Variants in BAZ2B observed in about 807,000 individuals in gnomAD.
BAZ2B encodes bromodomain adjacent to zinc finger domain 2B.
In BAZ2B, 91 loss-of-function variants were observed where a neutral mutation model predicts 246.0. That is an observed-to-expected ratio of 0.37 (90% CI 0.31 to 0.44). The LOEUF (loss-of-function observed/expected upper bound fraction) is 0.44, where lower values mean the gene tolerates loss of function less well. Among genes scored for constraint, BAZ2B ranks in the 20% least tolerant of loss-of-function variants. BAZ2B has a pLI of 1.00. For synonymous variants in BAZ2B, 855 were observed against 860.0 expected, an observed-to-expected ratio of 0.99 and a Z score of 0.10; for missense variants, 2,332 against 2,533.7, an observed-to-expected ratio of 0.92 and a Z score of 1.71.
At chr2:159,402,622 CTT>C (rs2065262991) in intron 16 of BAZ2B, among the ~76,000 whole-genome samples, 1 of 152,134 alleles carries the variant, frequency 6.6e-6, no homozygotes, top group Non-Finnish European at 1.5e-5. Context: ...CTTTTCTGCT[CTT>C]GTCAATTATA....
At chr2:159,682,916 C>T in the BAZ2B span, among the ~76,000 whole-genome samples, 1 of 148,628 alleles carries the variant, frequency 6.7e-6, no homozygotes, top group Non-Finnish European at 1.5e-5. Flanking sequence ...CCCTCCCCCC[C>T]CCCACACACA....
chr2:159,373,507 A>G (rs1001159687), intron 26 of BAZ2B, among the ~76,000 whole-genome samples: 1 of 152,212 alleles, frequency 6.6e-6, no homozygotes, highest in Non-Finnish European at 1.5e-5. Flanking sequence ...GTTCAATTCA[A>G]TTCTATTGCT....
At chr2:159,686,770 T>C in the BAZ2B span, among the ~76,000 whole-genome samples, 54 of 152,228 alleles carry the variant, frequency 3.5e-4, 1 homozygote, top group South Asian at 1.5e-3. Flanking sequence ...AGGCCAGGCG[T>C]GGTGGCTCAC....
In BAZ2B at chr2:159,533,053, A is replaced by G. The variant is rs939059329; in HGVS notation, c.-3+22770T>C. On this transcript the variant is annotated intron_variant, in intron 2 of 36. Coordinates refer to ENST00000392783, the MANE Select transcript of BAZ2B (RefSeq NM_013450.4). ...ACTGGAGACAGAGAAACTAGAAAGT[A>G]AATTAATATGGCAATCTAAGCATGA... Among the ~76,000 whole-genome samples the G allele has an allele frequency of 2.0e-5, 3 of 152,206 alleles. No homozygotes were observed. In the South Asian group the frequency reaches 6.2e-4, roughly 31 times the overall value.
chr2:159,420,418 A>G (rs1379309266), intron 13 of BAZ2B, among the ~76,000 whole-genome samples: 3 of 152,196 alleles, frequency 2.0e-5, no homozygotes, highest in African/African-American at 7.2e-5. Context: ...CATCTCGAAG[A>G]AAAAAAGCAA....
intron 1 of BAZ2B, among the ~76,000 whole-genome samples, chr2:159,557,606 C>T (rs2089344364): frequency 6.6e-6 from 1 of 152,146 alleles, no homozygotes; most frequent in East Asian, 1.9e-4. Flanking sequence ...AATCGGGTCT[C>T]ATAACAAACG....
chr2:159,520,215 G>C (rs1023610168), intron 2 of BAZ2B, among the ~76,000 whole-genome samples: 1 of 152,104 alleles, frequency 6.6e-6, no homozygotes, highest in Non-Finnish European at 1.5e-5. Flanking sequence ...TTTCATGTCA[G>C]GTAAATAGGT....
chr2:159,630,263 C>T, the BAZ2B span, among the ~76,000 whole-genome samples: 1 of 152,084 alleles, frequency 6.6e-6, no homozygotes, highest in African/African-American at 2.4e-5. Flanking sequence ...TTCAAGGCTG[C>T]AGTGGGCTAT....
intron 4 of BAZ2B, among the ~76,000 whole-genome samples, chr2:159,453,195 T>C (rs2075311341): frequency 6.6e-6 from 1 of 152,166 alleles, no homozygotes; most frequent in African/African-American, 2.4e-5. Context: ...GACCTTGAAA[T>C]AGGAGTGTAA....
At chr2:159,710,369 C>T in the BAZ2B span, among the ~76,000 whole-genome samples, 17 of 152,142 alleles carry the variant, frequency 1.1e-4, no homozygotes, top group East Asian at 1.2e-3. Context: ...CCACCACGCC[C>T]GGCTAATTTT....
At position 159,364,955 on chromosome 2, in the gene BAZ2B, C is replaced by T. The variant is rs1198035318; in HGVS notation, c.4213+8090G>A. On this transcript the variant is annotated intron_variant, in intron 27 of 36. Transcript: ENST00000392783. ...CACTAGTACTGCAAGTGATCTATGA[C>T]TGGTCTCAGGCAGAGACTCTGATGG... 1.3e-5 allele frequency among the ~76,000 whole-genome samples: 2 copies of T among 152,156 alleles called. 1 individual carries two copies.
chr2:159,469,801 TAAAC>T (rs925476592), intron 3 of BAZ2B, among the ~76,000 whole-genome samples: 1 of 151,988 alleles, frequency 6.6e-6, no homozygotes, highest in Non-Finnish European at 1.5e-5. Flanking sequence ...AACAACAACT[TAAAC>T]AAACAAACAA....
intron 2 of BAZ2B, among the ~76,000 whole-genome samples, chr2:159,495,522 T>C (rs1440975884): frequency 7.5e-6 from 1 of 133,908 alleles, no homozygotes; most frequent in African/African-American, 2.8e-5. Flanking sequence ...AAAAATTTAA[T>C]ATGAAAAAAG....
intron 1 of BAZ2B, among the ~76,000 whole-genome samples, chr2:159,564,229 T>C (rs1414517289): frequency 6.6e-6 from 1 of 151,948 alleles, no homozygotes; most frequent in African/African-American, 2.4e-5. Context: ...GAAGGCCTGG[T>C]GTTTTCAAAA....
At chr2:159,473,718 A>T (rs977620513) in intron 3 of BAZ2B, among the ~76,000 whole-genome samples, 13 of 152,202 alleles carry the variant, frequency 8.5e-5, no homozygotes, top group Non-Finnish European at 1.5e-5. Context: ...ATTTCCCTCT[A>T]AACACTGCTT....
the BAZ2B span, among the ~76,000 whole-genome samples, chr2:159,633,396 C>G: frequency 6.6e-6 from 1 of 152,158 alleles, no homozygotes; most frequent in South Asian, 2.1e-4. Context: ...TGGGTAGAGA[C>G]AGGCGAAGGA....
At chr2:159,539,133 A>G (rs1434819756) in intron 2 of BAZ2B, among the ~76,000 whole-genome samples, 2 of 152,224 alleles carry the variant, frequency 1.3e-5, no homozygotes, top group African/African-American at 4.8e-5. Flanking sequence ...TGCTTTCTAT[A>G]GTCAAAAAAC....
chr2:159,697,460 C>A, the BAZ2B span, among the ~76,000 whole-genome samples: 4 of 152,226 alleles, frequency 2.6e-5, no homozygotes, highest in East Asian at 5.8e-4. Flanking sequence ...TCACTAAAAT[C>A]CAAAATAATG....
At position 159,439,111 on chromosome 2, in the gene BAZ2B, A is replaced by T; in HGVS notation, c.798T>A (p.Asp266Glu). The stretch of plus-strand genomic sequence containing the variant: ...CTTCTTCTTCATCTTCTTCTAGATC[A>T]TCTGAATCACTGCTACTAATGCCTT... ...SSEGISSSDS[D>E]DLEEDEEEED... The change falls in exon 7 of 37, where the codon GAT (aspartate) becomes GAA (glutamate). Residue 266 changes from aspartate to glutamate, a missense_variant. This residue lies in a region of BAZ2B where 161 missense variants were observed against 225.8 expected (regional missense o/e 0.71). Coordinates refer to ENST00000392783, the MANE Select transcript of BAZ2B (RefSeq NM_013450.4). The T allele has an allele frequency of 6.2e-7, 1 of 1,613,944 alleles. No homozygotes were observed. The highest frequency in any genetic ancestry group is 1.7e-4 in the Middle Eastern group (1 of 6,058).
Sources: allele counts gnomAD v4.1 joint callset (sites outside exome capture counted in the v4.1 genomes callset), GRCh38; gene constraint gnomAD v4.1.1; regional missense constraint gnomAD v4.1.1; transcripts MANE v1.5; gene names NCBI Gene and HGNC (gene_info 2026-07-23, HGNC 2026-07-21).